RORA: variants seen among roughly 807,000 people sequenced by gnomAD.
RORA encodes nuclear receptor ROR-alpha.
Under a neutral mutation model 69.5 loss-of-function variants are expected in RORA, and 7 were observed. The observed-to-expected ratio is 0.10, with a 90% CI of 0.06 to 0.19. RORA has a LOEUF of 0.19. Ranked by LOEUF, RORA falls within the 10% of genes least tolerant of loss-of-function variation. RORA has a pLI of 1.00. For synonymous variants in RORA, 261 were observed against 240.8 expected (o/e 1.08, Z -0.78); for missense variants, 457 against 663.0 (o/e 0.69, Z 3.41).
intron 2 of RORA, chr15:60,592,633 G>T (rs1567111807): frequency 1.4e-5 from 8 of 587,804 alleles, no homozygotes; most frequent in South Asian, 8.7e-5. Flanking sequence ...CTCCCGGGGC[G>T]GGAGGCGGGA....
chr15:60,591,647 C>G lies in RORA; in HGVS notation c.197-59796G>C, dbSNP rs2068516372. Among the ~76,000 whole-genome samples, 2 of 152,204 alleles carry G rather than the reference C, an allele frequency of 1.3e-5. 1 individual carries two copies. The highest frequency in any genetic ancestry group is 4.1e-4 in the South Asian group (2 of 4,832). On this transcript the variant is annotated intron_variant, in intron 2 of 10. Coordinates refer to ENST00000335670, the MANE Select transcript of RORA (RefSeq NM_134261.3). ...AACCTCCGCCCCTGCCCGCGGATCC[C>G]GTGGGCTGCCGAGTTCCTCCCCACC...
chr15:60,887,730 G>A (rs1348139515), intron 1 of RORA, among the ~76,000 whole-genome samples: 3 of 152,174 alleles, frequency 2.0e-5, no homozygotes, highest in Non-Finnish European at 4.4e-5. Flanking sequence ...AAGGTTGGTT[G>A]TTTCAAAGGA....
rs1351718591 is a variant in RORA, at chr15:61,061,305, G to T, written c.166+167748C>A. Among the ~76,000 whole-genome samples, 1 of 151,926 alleles carries T rather than the reference G, an allele frequency of 6.6e-6. No individual in the cohort carries two copies. Among genetic ancestry groups the T allele is most frequent in the Non-Finnish European group, 1.5e-5 (1 of 68,002 alleles). ...GAGGCAGAGCTTGCAGTGAGCCGAG[G>T]TTGTGCCACTGCAGGCGTGCAGGGA... On this transcript the variant is annotated intron_variant, in intron 1 of 10. Transcript: ENST00000335670. This position sits in a 1 kb window ranked among gnomAD's most constrained non-coding sequence, Gnocchi z 4.4.
At chr15:60,503,938 G>A (rs986155491) in intron 6 of RORA, among the ~76,000 whole-genome samples, 1 of 152,044 alleles carries the variant, frequency 6.6e-6, no homozygotes, top group African/African-American at 2.4e-5. Flanking sequence ...GAGTAGCTGG[G>A]ATTAGAGGCA....
chr15:60,582,157 A>G (rs2140487936), intron 2 of RORA, among the ~76,000 whole-genome samples: 1 of 152,326 alleles, frequency 6.6e-6, no homozygotes, highest in Admixed American at 6.5e-5. Context: ...GGGCATATTT[A>G]TTATTAATAT....
chr15:60,855,905 G>A (rs1248428372), intron 1 of RORA, among the ~76,000 whole-genome samples: 1 of 152,148 alleles, frequency 6.6e-6, no homozygotes, highest in Non-Finnish European at 1.5e-5. Flanking sequence ...GTGAGCCATC[G>A]CACCCAGCCC....
At chr15:61,135,350 A>C (rs889810543) in intron 1 of RORA, among the ~76,000 whole-genome samples, 12 of 151,626 alleles carry the variant, frequency 7.9e-5, no homozygotes, top group Admixed American at 3.3e-4. Context: ...ATAATAAATA[A>C]ATTTAAAAAT....
chr15:61,033,288 T>C (rs1896272197), intron 1 of RORA, among the ~76,000 whole-genome samples: 1 of 152,170 alleles, frequency 6.6e-6, no homozygotes, highest in South Asian at 2.1e-4. Flanking sequence ...TTTCCTTTAG[T>C]CCAAATGTTC....
At chr15:60,733,914 C>CAGAGAGAGAGAGAGAG (rs58672002) in intron 1 of RORA, among the ~76,000 whole-genome samples, 85 of 101,462 alleles carry the variant, frequency 8.4e-4, no homozygotes, top group East Asian at 4.8e-3. Context: ...AGAATAGGGG[C>CAGAGAGAGAGAGAGAG]AGAGAGAGAG....
chr15:60,870,532 G>A (rs1016193289), intron 1 of RORA, among the ~76,000 whole-genome samples: 8 of 152,208 alleles, frequency 5.3e-5, no homozygotes, highest in Non-Finnish European at 1.0e-4. Flanking sequence ...GCAGAGGGGC[G>A]TCTTTAGCTA....
chr15:61,048,660 A>G (rs1819478556), intron 1 of RORA, among the ~76,000 whole-genome samples: 1 of 152,200 alleles, frequency 6.6e-6, no homozygotes, highest in Admixed American at 6.5e-5. Context: ...TCATAAGCTC[A>G]GGACTCAGGA....
chr15:60,610,849 G>A (rs1326104862), intron 2 of RORA, among the ~76,000 whole-genome samples: 1 of 152,154 alleles, frequency 6.6e-6, no homozygotes, highest in Non-Finnish European at 1.5e-5. Flanking sequence ...AGTGCCATGT[G>A]GATAAATTGC....
intron 1 of RORA, among the ~76,000 whole-genome samples, chr15:61,218,175 TTGTGTGTGTGTGTGTG>T (rs72135304): frequency 6.7e-6 from 1 of 148,296 alleles, no homozygotes; most frequent in African/African-American, 2.5e-5. Flanking sequence ...CATGAAATGT[TTGTGTGTGTGTGTGTG>T]TGTGTGTGTG....
chr15:60,823,813 A>T (rs2072924459), intron 1 of RORA, among the ~76,000 whole-genome samples: 1 of 152,252 alleles, frequency 6.6e-6, no homozygotes, highest in Non-Finnish European at 1.5e-5. Flanking sequence ...TTAAAAAAAA[A>T]AATCAATGTA....
intron 1 of RORA, among the ~76,000 whole-genome samples, chr15:60,845,345 A>T (rs1232891553): frequency 1.3e-5 from 2 of 152,338 alleles, no homozygotes; most frequent in East Asian, 3.9e-4. Flanking sequence ...TCTGAGCCAC[A>T]GACGATGGTA....
chr15:60,560,323 G>A (rs1292975920), intron 2 of RORA, among the ~76,000 whole-genome samples: 2 of 151,930 alleles, frequency 1.3e-5, no homozygotes, highest in Non-Finnish European at 2.9e-5. Context: ...AACAGGGCCA[G>A]CTTGCCCTAG....
chr15:60,737,065 T>C (rs2071510919), intron 1 of RORA, among the ~76,000 whole-genome samples: 1 of 152,138 alleles, frequency 6.6e-6, no homozygotes, highest in Admixed American at 6.6e-5. Flanking sequence ...CCTGAACCCC[T>C]GCAGTGCCTT....
intron 1 of RORA, among the ~76,000 whole-genome samples, chr15:61,137,019 AAAAGAAAGAAAGAAAG>A (rs551072168): frequency 0.051 from 3,138 of 61,138 alleles, 107 homozygotes; most frequent in African/African-American, 0.077. Context: ...AAATAAATAA[AAAAGAAAGAAAGAAAG>A]AAAGAAAGAA....
chr15:61,113,305 G>A (rs1415613917), intron 1 of RORA, among the ~76,000 whole-genome samples: 1 of 152,232 alleles, frequency 6.6e-6, no homozygotes, highest in Admixed American at 6.5e-5. Flanking sequence ...ACTGCCTCCA[G>A]AGATGCAGGA....
Sources: gnomAD v4.1 joint callset for allele counts (sites outside exome capture counted in the v4.1 genomes callset) on GRCh38, gnomAD v4.1.1 for gene constraint, Gnocchi (gnomAD v3.1) non-coding constraint, MANE v1.5 for transcripts, NCBI Gene and HGNC (gene_info 2026-07-23, HGNC 2026-07-21) for gene names.